The following CRADD variants were observed in gnomAD, a reference collection of about 807,000 sequenced individuals.
CRADD encodes the protein death domain-containing protein CRADD.
A neutral mutation model predicts 15.5 loss-of-function variants in CRADD; 9 were observed. That is an observed-to-expected ratio of 0.58 (90% confidence interval 0.35 to 1.01). The LOEUF (loss-of-function observed/expected upper bound fraction) is 1.01. Ranked by LOEUF, CRADD falls within the 50% of genes least tolerant of loss-of-function variation. The pLI is 0.02. For synonymous variants in CRADD, 118 were observed against 107.6 expected (o/e 1.10, Z -0.60); for missense variants, 227 against 250.3 (o/e 0.91, Z 0.63).
At chr12:93,723,128 G>A (rs553407310) in intron 2 of CRADD, among the ~76,000 whole-genome samples, 18 of 152,294 alleles carry the variant, frequency 1.2e-4, no homozygotes, top group African/African-American at 3.1e-4. Context: ...AAATATAGGA[G>A]GAATTTACTT....
At chr12:93,851,600 A>G (rs1413516320), downstream of CRADD, among the ~76,000 whole-genome samples, 1 of 152,204 alleles carries the variant, frequency 6.6e-6, no homozygotes, top group Non-Finnish European at 1.5e-5. Context: ...GGCTGAAGGT[A>G]TGGTTAGACC....
chr12:93,678,319 G>A (rs892630123), intron 1 of CRADD, among the ~76,000 whole-genome samples: 4 of 152,196 alleles, frequency 2.6e-5, no homozygotes, highest in Non-Finnish European at 5.9e-5. Flanking sequence ...AAGGGGACCT[G>A]CGTCCACCTT....
chr12:93,720,256 A>G (rs1454266344), intron 2 of CRADD, among the ~76,000 whole-genome samples: 1 of 151,974 alleles, frequency 6.6e-6, no homozygotes, highest in African/African-American at 2.4e-5. Context: ...TTTGTTATTA[A>G]TTTTTTATTT....
rs191641756 is a variant in CRADD at position 93,769,426 on chromosome 12, C to T, written c.299-80544C>T. Among the ~76,000 whole-genome samples the T allele has an allele frequency of 1.4e-4, 22 of 152,182 alleles. No homozygotes were observed. In the East Asian group the frequency reaches 1.7e-3, roughly 12 times the overall value. On this transcript the variant is annotated intron_variant, in intron 2 of 2. Transcript: ENST00000332896. ...TGGCCATTGGGGTTGTTTCCAGTTG[C>T]GGGCTATTATGAAAAATGTTGCTAT...
intron 2 of CRADD, among the ~76,000 whole-genome samples, chr12:93,747,736 G>A (rs1186470390): frequency 2.0e-5 from 3 of 152,188 alleles, no homozygotes; most frequent in Non-Finnish European, 4.4e-5. Flanking sequence ...AAGGTGCTAG[G>A]ATTACAGGCG....
At chr12:93,694,333 G>A (rs990283678) in intron 2 of CRADD, among the ~76,000 whole-genome samples, 4 of 151,996 alleles carry the variant, frequency 2.6e-5, no homozygotes, top group African/African-American at 7.2e-5. Flanking sequence ...CACAAAAAAG[G>A]TTATATGGGA....
At chr12:93,818,647 G>C (rs1484373338) in intron 2 of CRADD, among the ~76,000 whole-genome samples, 1 of 152,178 alleles carries the variant, frequency 6.6e-6, no homozygotes, top group African/African-American at 2.4e-5. Context: ...GGGGGCAAGG[G>C]GTGGGGCGAG....
At chr12:93,847,323 TAATATAATTTAAAATTATG>T (rs1478789239) in intron 2 of CRADD, among the ~76,000 whole-genome samples, 1 of 151,106 alleles carries the variant, frequency 6.6e-6, no homozygotes, top group Non-Finnish European at 1.5e-5. Context: ...ATTATTTAAA[TAATATAATTTAAAATTATG>T]AATATAATTT....
At chr12:93,886,162 C>CTT (rs761719331) in intron 2 of CRADD, among the ~76,000 whole-genome samples, 26,809 of 123,560 alleles carry the variant, frequency 0.22, 3,405 homozygotes, top group Middle Eastern at 0.29. Context: ...GCTGCTGATG[C>CTT]TTTTTTTTTT....
chr12:93,784,457 C>G (rs746521847), intron 2 of CRADD, among the ~76,000 whole-genome samples: 16 of 152,024 alleles, frequency 1.1e-4, no homozygotes, highest in Non-Finnish European at 1.0e-4. Flanking sequence ...GCTCTAAACC[C>G]AGGCCGTCTG....
At chr12:93,868,157 A>G (rs1958386423) in intron 2 of CRADD, among the ~76,000 whole-genome samples, 1 of 152,248 alleles carries the variant, frequency 6.6e-6, no homozygotes, top group Admixed American at 6.5e-5. Flanking sequence ...AACTCCTACA[A>G]GTAATCCTAT....
chr12:93,703,874 C>T (rs1249455773), intron 2 of CRADD, among the ~76,000 whole-genome samples: 1 of 151,168 alleles, frequency 6.6e-6, no homozygotes, highest in Non-Finnish European at 1.5e-5. Context: ...TACATGCAAT[C>T]TGTTTTTAGT....
intron 2 of CRADD, among the ~76,000 whole-genome samples, chr12:93,784,080 G>A (rs534221889): frequency 7.2e-5 from 11 of 152,238 alleles, no homozygotes; most frequent in African/African-American, 2.4e-4. Flanking sequence ...AACACCTGCA[G>A]TGCGGTACTT....
At chr12:93,741,401 A>G (rs140335993) in intron 2 of CRADD, among the ~76,000 whole-genome samples, 1 of 152,376 alleles carries the variant, frequency 6.6e-6, no homozygotes, top group African/African-American at 2.4e-5. Flanking sequence ...CATATAAATT[A>G]GCGACTAAGG....
At chr12:93,835,981 G>A (rs1209985491) in intron 2 of CRADD, among the ~76,000 whole-genome samples, 2 of 152,162 alleles carry the variant, frequency 1.3e-5, no homozygotes, top group Non-Finnish European at 2.9e-5. Flanking sequence ...ATAGGCACAT[G>A]TAAGCAAAAG....
At chr12:93,774,556 A>T (rs1164591474) in intron 2 of CRADD, among the ~76,000 whole-genome samples, 1 of 152,138 alleles carries the variant, frequency 6.6e-6, no homozygotes, top group Non-Finnish European at 1.5e-5. Context: ...AAGATGGGTT[A>T]GGAGGTGGGA....
intron 2 of CRADD, among the ~76,000 whole-genome samples, chr12:93,755,477 G>A (rs999093299): frequency 6.6e-6 from 1 of 152,182 alleles, no homozygotes; most frequent in African/African-American, 2.4e-5. Flanking sequence ...ACCTCAGCCA[G>A]GCTTAGTCTT....
intron 2 of CRADD, among the ~76,000 whole-genome samples, chr12:93,711,055 C>CTTTT (rs397850463): frequency 1.1e-4 from 5 of 43,502 alleles, no homozygotes; most frequent in African/African-American, 2.5e-4. Flanking sequence ...CCACCCCCGC[C>CTTTT]TTTTTTTTTT....
chr12:93,886,770 G>A (rs1483545241), intron 2 of CRADD, among the ~76,000 whole-genome samples: 3 of 152,160 alleles, frequency 2.0e-5, no homozygotes, highest in Non-Finnish European at 4.4e-5. Context: ...TGTGGCCATC[G>A]AGACTGTCTG....
Sources: gnomAD v4.1 joint callset for allele counts (sites outside exome capture counted in the v4.1 genomes callset) on GRCh38, gnomAD v4.1.1 for gene constraint, MANE v1.5 for transcripts, NCBI Gene and HGNC (gene_info 2026-07-23, HGNC 2026-07-21) for gene names.